The following DMXL2 variants were observed in gnomAD, a reference collection of about 807,000 sequenced individuals.
DMXL2 encodes Dmx like 2.
In DMXL2, 103 loss-of-function variants were observed where a neutral mutation model predicts 331.1. The observed-to-expected ratio is 0.31, with a 90% CI of 0.27 to 0.37. The LOEUF (loss-of-function observed/expected upper bound fraction) is 0.37. Among genes scored for constraint, DMXL2 ranks in the 10% least tolerant of loss-of-function variants. The pLI is 1.00. For synonymous variants in DMXL2, 1,281 were observed against 1,252.1 expected, an observed-to-expected ratio of 1.02 and a Z score of -0.49; for missense variants, 3,171 against 3,642.9, an observed-to-expected ratio of 0.87 and a Z score of 3.33.
At chr15:51,575,444 C>T (rs938203377) in intron 2 of DMXL2, among the ~76,000 whole-genome samples, 1 of 152,100 alleles carries the variant, frequency 6.6e-6, no homozygotes, top group Non-Finnish European at 1.5e-5. Flanking sequence ...CTGGAGTATA[C>T]AGCAAACATC....
intron 41 of DMXL2, among the ~76,000 whole-genome samples, chr15:51,452,976 G>C (rs2039284134): frequency 6.6e-6 from 1 of 152,116 alleles, no homozygotes; most frequent in African/African-American, 2.4e-5. Flanking sequence ...TCTAAGTGAA[G>C]TAACTCAGGA....
chr15:51,563,511 T>C (rs2050093615), intron 5 of DMXL2, 64 bp from the exon 6 acceptor site: 5 of 1,149,082 alleles, frequency 4.4e-6, no homozygotes, highest in Non-Finnish European at 6.1e-6. Flanking sequence ...ATAAAAATGG[T>C]CAAGATGAGA....
At chr15:51,618,259 G>C (rs894946604) in intron 1 of DMXL2, among the ~76,000 whole-genome samples, 5 of 151,658 alleles carry the variant, frequency 3.3e-5, no homozygotes, top group Non-Finnish European at 5.9e-5. Flanking sequence ...TAGACTACCA[G>C]GTTCCTACAC....
In DMXL2 at chr15:51,576,183, T is replaced by TAAAAAAAGAAAAAA; in HGVS notation, c.88-3_88-2insTTTTTTCTTTTTTT. Reference sequence around the variant, plus strand: ...AATATCACAGCCTGATCCATATGCCTAAAAAAAAAAAAAAAAAAAAGTTTT... The same window carrying TAAAAAAAGAAAAAA: ...AATATCACAGCCTGATCCATATGCCTAAAAAAAGAAAAAAAAAAAAAAAAAAAAAAAAAAGTTTT... On this transcript the variant is annotated splice_region_variant and splice_polypyrimidine_tract_variant and intron_variant, in intron 1 of 43. Transcript: ENST00000560891. 1 of 626,284 alleles carries TAAAAAAAGAAAAAA rather than the reference T, an allele frequency of 1.6e-6. No homozygotes were observed. The highest frequency in any genetic ancestry group is 4.3e-5 in the South Asian group (1 of 23,400). 38.8% of individuals were successfully genotyped at this position (626,284 alleles called of 1,614,324 possible).
At chr15:51,589,330 A>G (rs1164076205) in intron 1 of DMXL2, among the ~76,000 whole-genome samples, 1 of 152,198 alleles carries the variant, frequency 6.6e-6, no homozygotes, top group Non-Finnish European at 1.5e-5. Flanking sequence ...AATGCATAAA[A>G]TCCCTAAAAC....
chr15:51,554,222 G>C (rs1369639633), intron 6 of DMXL2, among the ~76,000 whole-genome samples: 1 of 152,048 alleles, frequency 6.6e-6, no homozygotes, highest in Admixed American at 6.6e-5. Flanking sequence ...ATCATCCATA[G>C]GTTCACCTAT....
In DMXL2 at chr15:51,576,183, T is replaced by TTAAAAAAAAAAAAAAAAAAA. The variant is rs35897652; in HGVS notation, c.88-3_88-2insTTTTTTTTTTTTTTTTTTTA. 2 of 540,658 alleles carry TTAAAAAAAAAAAAAAAAAAA rather than the reference T, an allele frequency of 3.7e-6. 1 individual carries two copies. The highest frequency in any genetic ancestry group is 7.9e-5 in the African/African-American group (2 of 25,282). 33.5% of individuals were successfully genotyped at this position (540,658 alleles called of 1,614,324 possible). A position where few individuals can be genotyped will look rare whatever the true frequency, so the allele number is the denominator to read the frequency against. On this transcript the variant is annotated splice_polypyrimidine_tract_variant and splice_region_variant and intron_variant, in intron 1 of 43. Coordinates refer to ENST00000560891, the MANE Select transcript of DMXL2 (RefSeq NM_001378457.1). ...AATATCACAGCCTGATCCATATGCCTAAAAAAAAAAAAAAAAAAAAGTTTT... is the reference window on the plus strand; with the variant it reads ...AATATCACAGCCTGATCCATATGCCTTAAAAAAAAAAAAAAAAAAAAAAAAAAAAAAAAAAAAAAAGTTTT...
At chr15:51,556,932 ATTATATTTAT>A (rs1412489228) in intron 6 of DMXL2, among the ~76,000 whole-genome samples, 5 of 152,198 alleles carry the variant, frequency 3.3e-5, no homozygotes, top group Non-Finnish European at 1.5e-5. Flanking sequence ...AACAGTAAAC[ATTATATTTAT>A]GATGACACAG....
At chr15:51,604,869 T>C (rs2053472279) in intron 1 of DMXL2, among the ~76,000 whole-genome samples, 1 of 152,136 alleles carries the variant, frequency 6.6e-6, no homozygotes, top group Non-Finnish European at 1.5e-5. Context: ...ATCAAGACAG[T>C]GGTATTGTGG....
chr15:51,546,733 TA>T (rs1446528288), intron 7 of DMXL2, among the ~76,000 whole-genome samples: 2 of 151,996 alleles, frequency 1.3e-5, no homozygotes, highest in Non-Finnish European at 2.9e-5. Flanking sequence ...CTCTCAGATT[TA>T]AAAAAACAAC....
At chr15:51,604,304 A>G (rs79953897) in intron 1 of DMXL2, among the ~76,000 whole-genome samples, 1 of 145,130 alleles carries the variant, frequency 6.9e-6, no homozygotes, top group African/African-American at 2.6e-5. Flanking sequence ...GCAATAAGGA[A>G]AAAAAAAAAA....
At chr15:51,485,284 T>C (rs1379924210) in intron 23 of DMXL2, among the ~76,000 whole-genome samples, 1 of 152,132 alleles carries the variant, frequency 6.6e-6, no homozygotes, top group Non-Finnish European at 1.5e-5. Flanking sequence ...CCTAAAAAGA[T>C]CCTCTCCAAG....
intron 34 of DMXL2, 155 bp from the exon 35 acceptor site, chr15:51,458,950 T>C (rs1238379855): frequency 4.5e-6 from 3 of 666,670 alleles, no homozygotes; most frequent in Admixed American, 3.0e-5. Flanking sequence ...CTTTAATGTG[T>C]TGAAAACTAG....
intron 43 of DMXL2, among the ~76,000 whole-genome samples, chr15:51,449,630 C>G (rs148588849): frequency 6.6e-6 from 1 of 152,242 alleles, no homozygotes; most frequent in East Asian, 1.9e-4. Context: ...TGAGGTTAGT[C>G]TCAATAAACT....
Position 51,457,148 on chromosome 15 carries a change from C to G in DMXL2, c.8337+180G>C, listed in dbSNP as rs7164999. 0.72 allele frequency: 457,796 copies of G among 639,502 alleles called. 168,391 individuals are homozygous for G. The highest frequency in any genetic ancestry group is 0.82 in the African/African-American group (43,922 of 53,254). The allele number at this position is 639,502 out of a possible 1,614,324, so 39.6% of individuals were successfully genotyped here. A position where few individuals can be genotyped will look rare whatever the true frequency, so the allele number is the denominator to read the frequency against. On this transcript the variant is annotated intron_variant, in intron 37 of 43. Transcript: ENST00000560891. ...AATTGCACCACTGCACTCCAGCCTG[C>G]GCGACAGAGCCAGACCCTGTCACCA...
chr15:51,544,006 G>A (rs2048751339), intron 8 of DMXL2, among the ~76,000 whole-genome samples: 1 of 152,064 alleles, frequency 6.6e-6, no homozygotes, highest in Admixed American at 6.6e-5. Context: ...TAAAAATTAA[G>A]TACTTTGTCC....
intron 3 of DMXL2, 118 bp downstream of exon 3, chr15:51,568,369 T>G (rs553654812): frequency 5.8e-5 from 37 of 639,062 alleles, no homozygotes; most frequent in Admixed American, 1.1e-4. Context: ...TAGACCAATT[T>G]TTCACTGATA....
At position 51,459,603 on chromosome 15, in the gene DMXL2, T is replaced by G; in HGVS notation, c.7984A>C (p.Ile2662Leu). ...NQNCIAEDCH[I>L]KVEADLGYPG... ...ACAAGATCTTGGAATACTACCTTGA[T>G]GTGGCAATCTTCTGCTATGCAGTTT... The change falls in exon 34 of 44, where the codon ATC (isoleucine) becomes CTC (leucine). Residue 2662 changes from isoleucine (I) to leucine (L), a missense_variant. Transcript: ENST00000560891. 7.8e-7 allele frequency: 1 copy of G among 1,289,838 alleles called. No homozygotes were observed. The highest frequency in any genetic ancestry group is 1.2e-5 in the South Asian group (1 of 81,036). The allele number at this position is 1,289,838 out of a possible 1,614,324, so 79.9% of individuals were successfully genotyped here.
chr15:51,610,527 G>C (rs1259945917), intron 1 of DMXL2, among the ~76,000 whole-genome samples: 1 of 152,158 alleles, frequency 6.6e-6, no homozygotes, highest in Non-Finnish European at 1.5e-5. Flanking sequence ...CCAGAACTTT[G>C]GGAGGCCGAG....
Sources: gnomAD v4.1 joint callset for allele counts (sites outside exome capture counted in the v4.1 genomes callset) on GRCh38, gnomAD v4.1.1 for gene constraint, MANE v1.5 for transcripts, NCBI Gene and HGNC (gene_info 2026-07-23, HGNC 2026-07-21) for gene names.